Variants in ANO6 observed in about 807,000 individuals in gnomAD.
ANO6 encodes anoctamin-6.
In ANO6, 106 loss-of-function variants were observed where a neutral mutation model predicts 117.5. The ratio of observed to expected loss-of-function variants is 0.90; its 90% CI spans 0.77 to 1.06. The LOEUF (loss-of-function observed/expected upper bound fraction) is 1.06. ANO6 is among the 50% of genes least tolerant of loss of function. The pLI is 0.00. For missense variants in ANO6, 955 were observed against 1,121.1 expected (o/e 0.85, Z 2.12); for synonymous variants, 367 against 385.1 (o/e 0.95, Z 0.55).
chr12:45,285,812 G>C (rs76788154), intron 1 of ANO6, among the ~76,000 whole-genome samples: 6 of 152,278 alleles, frequency 3.9e-5, no homozygotes, highest in Non-Finnish European at 8.8e-5. Context: ...CTGGAGAGGA[G>C]GTCATTGTGA....
chr12:45,235,729 C>T (rs1030192334), intron 1 of ANO6, among the ~76,000 whole-genome samples: 1 of 152,188 alleles, frequency 6.6e-6, no homozygotes. Context: ...GTCAAAAATT[C>T]CAGTATTTGG....
At chr12:45,349,507 T>C (rs993841806) in intron 6 of ANO6, among the ~76,000 whole-genome samples, 1 of 152,228 alleles carries the variant, frequency 6.6e-6, no homozygotes, top group African/African-American at 2.4e-5. Context: ...TTGAAATAAA[T>C]TAAATACTAT....
chr12:45,231,499 G>A (rs2137141432), intron 1 of ANO6, among the ~76,000 whole-genome samples: 1 of 152,246 alleles, frequency 6.6e-6, no homozygotes, highest in Non-Finnish European at 1.5e-5. Context: ...AAGGAAGAAG[G>A]CTGTTTTTAT....
In ANO6 at chr12:45,255,037, G is replaced by A. The variant is rs143049221; in HGVS notation, c.70+38646G>A. Among the ~76,000 whole-genome samples, 1,038 of 152,244 alleles carry A rather than the reference G, an allele frequency of 6.8e-3. 18 individuals are homozygous for A. The highest frequency in any genetic ancestry group is 0.024 in the African/African-American group (985 of 41,536). On this transcript the variant is annotated intron_variant, in intron 1 of 19. Coordinates refer to ENST00000320560, the MANE Select transcript of ANO6 (RefSeq NM_001025356.3). ...ATCTCTTACATTATAAATGCTAAAAGAATTAAGTTACCATAATTTTTGCAT... is the reference window on the plus strand; with the variant it reads ...ATCTCTTACATTATAAATGCTAAAAAAATTAAGTTACCATAATTTTTGCAT...
At chr12:45,225,999 T>A (rs897462920) in intron 1 of ANO6, among the ~76,000 whole-genome samples, 7 of 152,150 alleles carry the variant, frequency 4.6e-5, no homozygotes, top group Non-Finnish European at 8.8e-5. Context: ...ATGACATTAT[T>A]TTTTTTTCTT....
At chr12:45,235,110 G>T (rs188621412) in intron 1 of ANO6, among the ~76,000 whole-genome samples, 2 of 152,306 alleles carry the variant, frequency 1.3e-5, no homozygotes, top group East Asian at 1.9e-4. Context: ...TGTTGCTCTT[G>T]TCAGTGTTTC....
chr12:45,439,153 G>A (rs1008580228), intron 19 of ANO6, among the ~76,000 whole-genome samples: 6 of 152,304 alleles, frequency 3.9e-5, no homozygotes, highest in Non-Finnish European at 7.3e-5. Context: ...TGTCACCTGT[G>A]TGTCTTGAGT....
chr12:45,279,546 A>C (rs2137251159), intron 1 of ANO6, among the ~76,000 whole-genome samples: 1 of 152,334 alleles, frequency 6.6e-6, no homozygotes, highest in South Asian at 2.1e-4. Flanking sequence ...CACACTTCTG[A>C]AACAAATTTC....
At chr12:45,376,797 A>G (rs1279758814) in intron 9 of ANO6, among the ~76,000 whole-genome samples, 1 of 151,976 alleles carries the variant, frequency 6.6e-6, no homozygotes, top group Non-Finnish European at 1.5e-5. Flanking sequence ...GCACATGTAT[A>G]CATATGTAAC....
intron 11 of ANO6, among the ~76,000 whole-genome samples, chr12:45,389,734 G>C (rs192014811): frequency 6.6e-6 from 1 of 152,040 alleles, no homozygotes; most frequent in African/African-American, 2.4e-5. Context: ...TTAACTTCCC[G>C]GTGCCTCAGT....
At chr12:45,427,510 G>T (rs1039111982) in intron 19 of ANO6, among the ~76,000 whole-genome samples, 1 of 152,068 alleles carries the variant, frequency 6.6e-6, no homozygotes, top group African/African-American at 2.4e-5. Context: ...GCTCACTTAG[G>T]CATATCCAGA....
chr12:45,221,059 TG>T (rs35401353), intron 1 of ANO6, among the ~76,000 whole-genome samples: 82 of 149,326 alleles, frequency 5.5e-4, no homozygotes, highest in Non-Finnish European at 6.8e-4. Flanking sequence ...GTGTCGGAAG[TG>T]GGGGGGGGCA....
chr12:45,397,076 A>T (rs1052692165), intron 12 of ANO6, among the ~76,000 whole-genome samples: 5 of 152,202 alleles, frequency 3.3e-5, no homozygotes, highest in Non-Finnish European at 5.9e-5. Context: ...AATGGGAGAA[A>T]ATTTTTGCAA....
rs1253153438 is a variant in ANO6, at chr12:45,432,143, G to C, written c.*2832G>C. On this transcript the variant is annotated 3_prime_UTR_variant, in exon 20 of 20. Transcript: ENST00000320560. ...ACCATTTTATGTTCATATTATGTTTGAGAGGGTAAAAATGTATGAGCAGCT... is the reference window on the plus strand; with the variant it reads ...ACCATTTTATGTTCATATTATGTTTCAGAGGGTAAAAATGTATGAGCAGCT... The C allele has an allele frequency of 2.0e-6, 2 of 985,332 alleles. No individual in the cohort carries two copies. The highest frequency in any genetic ancestry group is 2.4e-6 in the Non-Finnish European group (2 of 829,894). 61.0% of individuals were successfully genotyped at this position (985,332 alleles called of 1,614,324 possible).
Position 45,293,739 on chromosome 12 carries a change from T to G in ANO6, c.71-8275T>G, listed in dbSNP as rs12823703. On this transcript the variant is annotated intron_variant, in intron 1 of 19. Coordinates refer to ENST00000320560, the MANE Select transcript of ANO6 (RefSeq NM_001025356.3). ...CCATGCCTGGCTAATGTTTTTTTTTTTTTTTTTTTTTTTTTTTGTATTTTT... is the reference window on the plus strand; with the variant it reads ...CCATGCCTGGCTAATGTTTTTTTTTGTTTTTTTTTTTTTTTTTGTATTTTT... Among the ~76,000 whole-genome samples the G allele has an allele frequency of 1.2e-4, 15 of 120,908 alleles. No individual in the cohort carries two copies. In the East Asian group the frequency reaches 1.5e-3, roughly 12 times the overall value. 79.3% of individuals were successfully genotyped at this position (120,908 alleles called of 152,430 possible).
At chr12:45,352,727 C>CAAAAAA (rs34198115) in intron 7 of ANO6, among the ~76,000 whole-genome samples, 191 of 118,282 alleles carry the variant, frequency 1.6e-3, no homozygotes, top group African/African-American at 5.6e-3. Context: ...ACCCTGTCTC[C>CAAAAAA]AAAAAAAAAA....
chr12:45,413,974 A>G (rs1943152125), intron 16 of ANO6, among the ~76,000 whole-genome samples: 1 of 152,144 alleles, frequency 6.6e-6, no homozygotes, highest in Non-Finnish European at 1.5e-5. Flanking sequence ...TGTCACATAA[A>G]TCTTGGCCGT....
intron 1 of ANO6, among the ~76,000 whole-genome samples, chr12:45,274,204 C>T (rs1252726110): frequency 6.6e-6 from 1 of 152,130 alleles, no homozygotes; most frequent in Non-Finnish European, 1.5e-5. Context: ...CCCTGAATGC[C>T]ATCTGTATGT....
intron 2 of ANO6, among the ~76,000 whole-genome samples, chr12:45,327,502 G>A (rs1279205183): frequency 6.6e-6 from 1 of 152,182 alleles, no homozygotes; most frequent in East Asian, 1.9e-4. Context: ...GTTTATAAAG[G>A]CAGAAAATTG....
Sources: gnomAD v4.1 joint callset for allele counts (sites outside exome capture counted in the v4.1 genomes callset) on GRCh38, gnomAD v4.1.1 for gene constraint, MANE v1.5 for transcripts, NCBI Gene and HGNC (gene_info 2026-07-23, HGNC 2026-07-21) for gene names.